The following RARA variants were observed in gnomAD, a reference collection of about 807,000 sequenced individuals.
RARA encodes retinoic acid receptor alpha, also known as PML-DDX5-RARA fusion.
RARA carries 5 observed loss-of-function variants against 42.8 expected under a neutral mutation model. The observed-to-expected ratio is 0.12, with a 90% CI of 0.06 to 0.25. The LOEUF (loss-of-function observed/expected upper bound fraction) is 0.25. Among genes scored for constraint, RARA ranks in the 10% least tolerant of loss-of-function variants. The pLI is 1.00. For missense variants in RARA, 402 were observed against 628.7 expected (o/e 0.64, Z 3.86); for synonymous variants, 256 against 259.5 (o/e 0.99, Z 0.13).
rs2034432341 is a variant in RARA at position 40,351,208 on chromosome 17, G to C, written c.470-702G>C. Among the ~76,000 whole-genome samples the C allele has an allele frequency of 6.6e-6, 1 of 150,904 alleles. No homozygotes were observed. Among genetic ancestry groups the C allele is most frequent in the South Asian group, 2.1e-4 (1 of 4,784 alleles). ...CATGAGTGATCTCCAAATTATGCCA[G>C]CTACCCCCACCTCGCTACCCCCTCC... On this transcript the variant is annotated intron_variant, in intron 4 of 8. Coordinates refer to ENST00000254066, the MANE Select transcript of RARA (RefSeq NM_000964.4). This position sits in a 1 kb window ranked among gnomAD's most constrained non-coding sequence, Gnocchi z 4.1.
At chr17:40,343,028 C>T in intron 2 of RARA, 1 of 1,380,776 alleles carries the variant, frequency 7.2e-7, no homozygotes, top group South Asian at 1.6e-5. Context: ...CCCTCCCGGC[C>T]GCACCCTCCC....
chr17:40,309,530 T>C (rs2033056213), intron 1 of RARA, among the ~76,000 whole-genome samples: 1 of 152,154 alleles, frequency 6.6e-6, no homozygotes, highest in Admixed American at 6.5e-5. Context: ...TAGATAAGAG[T>C]GGGGAGTAGG....
chr17:40,318,807 C>T (rs1035634171), intron 1 of RARA, among the ~76,000 whole-genome samples: 1 of 152,254 alleles, frequency 6.6e-6, no homozygotes, highest in Non-Finnish European at 1.5e-5. Flanking sequence ...GGGGAGAGAT[C>T]GGATGCTCAA....
intron 1 of RARA, among the ~76,000 whole-genome samples, chr17:40,324,056 G>A (rs1488765585): frequency 6.6e-6 from 1 of 152,094 alleles, no homozygotes; most frequent in African/African-American, 2.4e-5. Flanking sequence ...CATTGTGAGA[G>A]AGCTGTGCTT....
rs567290761 is a variant in RARA at position 40,342,509 on chromosome 17, C to A, written c.179-5807C>A. 1.7e-5 allele frequency: 23 copies of A among 1,321,210 alleles called. No homozygotes were observed. In the African/African-American group the frequency reaches 2.6e-4, roughly 15 times the overall value. The allele number at this position is 1,321,210 out of a possible 1,614,324, so 81.8% of individuals were successfully genotyped here. On this transcript the variant is annotated intron_variant, in intron 2 of 8. Coordinates refer to ENST00000254066, the MANE Select transcript of RARA (RefSeq NM_000964.4). ...GCACACACAACTTCCCTGCTTTTCA[C>A]CGGGACTGGCGGAGCGGCCGGCGGA...
At position 40,355,598 on chromosome 17, in the gene RARA, TGTGTGGTA is replaced by T. The variant is rs2034594850; in HGVS notation, c.1171+180_1171+187del. ...CGAGGTGGCCCGCCTGTGTCACCTT[TGTGTGGTA>T]GTTCAGATCGTGGCTCTGGAACCAG... On this transcript the variant is annotated intron_variant, in intron 8 of 8. Coordinates refer to ENST00000254066, the MANE Select transcript of RARA (RefSeq NM_000964.4). The surrounding 1 kb of genome is among the most constrained non-coding windows in gnomAD (Gnocchi z 4.1). Among the ~76,000 whole-genome samples, 1 of 152,240 alleles carries T rather than the reference TGTGTGGTA, an allele frequency of 6.6e-6. No homozygotes were observed. Among genetic ancestry groups the T allele is most frequent in the Non-Finnish European group, 1.5e-5 (1 of 68,046 alleles).
At position 40,355,246 on chromosome 17, in the gene RARA, T is replaced by C. The variant is rs1440955543; in HGVS notation, c.1013-17T>C. On this transcript the variant is annotated splice_polypyrimidine_tract_variant and intron_variant, in intron 7 of 8. Transcript: ENST00000254066. The surrounding 1 kb of genome is among the most constrained non-coding windows in gnomAD (Gnocchi z 4.1). ...GCTGTGTTCCCAGCTGCTCAGGGGG[T>C]GGTTCTGCTTCCTCAGACCGCCAGG... 2.6e-6 allele frequency: 4 copies of C among 1,553,136 alleles called. No individual in the cohort carries two copies. In the East Asian group the frequency reaches 7.3e-5, roughly 28 times the overall value.
At chr17:40,346,633 C>G (rs374226607) in intron 2 of RARA, among the ~76,000 whole-genome samples, 2 of 152,122 alleles carry the variant, frequency 1.3e-5, no homozygotes, top group Admixed American at 1.3e-4. Flanking sequence ...ACCCAGGCCC[C>G]CCAACCCCGC....
At chr17:40,319,754 G>A (rs1383587105) in intron 1 of RARA, among the ~76,000 whole-genome samples, 1 of 152,170 alleles carries the variant, frequency 6.6e-6, no homozygotes, top group Non-Finnish European at 1.5e-5. Context: ...CCATGAAGAG[G>A]CTGTGCCGGG....
chr17:40,332,055 T>C (rs1041945556), intron 2 of RARA, among the ~76,000 whole-genome samples: 3 of 152,184 alleles, frequency 2.0e-5, no homozygotes, highest in African/African-American at 7.2e-5. Context: ...TGTGTTTTCC[T>C]TGCCTCCACC....
chr17:40,323,837 G>C (rs866314606), intron 1 of RARA, among the ~76,000 whole-genome samples: 1 of 133,194 alleles, frequency 7.5e-6, no homozygotes. Flanking sequence ...AGGACTTGGT[G>C]GGGGGGTGTA....
intron 1 of RARA, among the ~76,000 whole-genome samples, chr17:40,324,575 C>G (rs1213783940): frequency 6.6e-6 from 1 of 152,178 alleles, no homozygotes; most frequent in African/African-American, 2.4e-5. Flanking sequence ...GTCCAGTCAC[C>G]CTTTCTGCCT....
At chr17:40,341,070 G>A (rs2034017327) in intron 2 of RARA, 4 of 401,076 alleles carry the variant, frequency 1.0e-5, no homozygotes, top group Admixed American at 4.4e-5. Flanking sequence ...AGAGAGTGGG[G>A]GTAATAGGAT....
intron 1 of RARA, among the ~76,000 whole-genome samples, chr17:40,321,360 A>G (rs1035952569): frequency 3.3e-5 from 5 of 150,348 alleles, no homozygotes; most frequent in African/African-American, 1.2e-4. Flanking sequence ...CCTAGCTGGG[A>G]CCGCCTGCTT....
intron 2 of RARA, among the ~76,000 whole-genome samples, chr17:40,335,824 T>C (rs532202014): frequency 6.6e-6 from 1 of 151,960 alleles, no homozygotes; most frequent in South Asian, 2.1e-4. Flanking sequence ...GACAACATAG[T>C]GAGACCCTGC....
intron 2 of RARA, chr17:40,341,335 T>A (rs1174122365): frequency 1.6e-5 from 22 of 1,416,264 alleles, no homozygotes; most frequent in Non-Finnish European, 1.9e-6. Flanking sequence ...TCTGCCTGTG[T>A]TTGTGCCAAC....
At chr17:40,350,001 G>C (rs2034390851) in intron 4 of RARA, 76 bp downstream of exon 4, 1 of 1,569,902 alleles carries the variant, frequency 6.4e-7, no homozygotes, top group African/African-American at 1.4e-5. Flanking sequence ...AGGGAGCAGG[G>C]CTCTGTGGAT....
At chr17:40,312,209 T>G (rs1292587333) in intron 1 of RARA, among the ~76,000 whole-genome samples, 1 of 152,204 alleles carries the variant, frequency 6.6e-6, no homozygotes, top group Non-Finnish European at 1.5e-5. Flanking sequence ...GGCACTGATT[T>G]GTCAGAAATT....
In RARA at chr17:40,354,427, C is replaced by T. The variant is rs769117786; in HGVS notation, c.933C>T (p.Ala311=). The T allele has an allele frequency of 6.8e-6, 11 of 1,614,168 alleles. No homozygotes were observed. Among genetic ancestry groups the T allele is most frequent in the Non-Finnish European group, 9.3e-6 (11 of 1,180,048 alleles). The part of the protein sequence containing the change: ...GFGPLTDLVF[A]FANQLLPLEM... Reference sequence around the variant, plus strand: ...GCCCCCTCACCGACCTGGTCTTTGCCTTCGCCAACCAGCTGCTGCCCCTGG... The same window carrying T: ...GCCCCCTCACCGACCTGGTCTTTGCTTTCGCCAACCAGCTGCTGCCCCTGG... Residue 311 remains alanine, a synonymous_variant, in exon 7 of 9, where the codon GCC becomes GCT. Transcript: ENST00000254066. The surrounding 1 kb of genome is among the most constrained non-coding windows in gnomAD (Gnocchi z 4.5).
Sources: gnomAD v4.1 joint callset for allele counts (sites outside exome capture counted in the v4.1 genomes callset) on GRCh38, gnomAD v4.1.1 for gene constraint, Gnocchi (gnomAD v3.1) non-coding constraint, MANE v1.5 for transcripts, NCBI Gene and HGNC (gene_info 2026-07-23, HGNC 2026-07-21) for gene names.